HMGB1: variants seen among roughly 807,000 people sequenced by gnomAD.
HMGB1 encodes the protein high mobility group box 1.
For synonymous variants in HMGB1, 81 were observed against 84.0 expected (o/e 0.96, Z 0.19); for missense variants, 79 against 253.5 (o/e 0.31, Z 4.67).
At chr13:30,581,932 C>T (rs1031750522) in intron 1 of HMGB1, among the ~76,000 whole-genome samples, 2 of 152,114 alleles carry the variant, frequency 1.3e-5, no homozygotes, top group African/African-American at 4.8e-5. Context: ...GTAAAAGTGT[C>T]CCAGGACTTA....
chr13:30,465,752 C>G (rs905678218), intron 1 of HMGB1, 44 bp downstream of exon 1: 2 of 975,734 alleles, frequency 2.0e-6, no homozygotes, highest in African/African-American at 1.8e-5. Context: ...GGCTGGGGAG[C>G]TGCCGGAGGC....
chr13:30,611,336 GT>G lies in HMGB1; in HGVS notation c.-15+5334del, dbSNP rs542298252. On this transcript the variant is annotated intron_variant, in intron 1 of 4. Coordinates refer to the HMGB1 transcript ENST00000405805. ...CGCCAACGTGCCCAGCTAATTTTTT[GT>G]TTTTTTAGTAGAGATGGGGTTTCAC... Among the ~76,000 whole-genome samples the G allele has an allele frequency of 2.6e-5, 4 of 152,054 alleles. No homozygotes were observed. In the East Asian group the frequency reaches 7.7e-4, roughly 29 times the overall value.
chr13:30,601,096 TAAG>T (rs1359372041), intron 1 of HMGB1, among the ~76,000 whole-genome samples: 1 of 152,214 alleles, frequency 6.6e-6, no homozygotes, highest in Non-Finnish European at 1.5e-5. Flanking sequence ...CCGCCACCCT[TAAG>T]AAGGTTCTTT....
intron 1 of HMGB1, among the ~76,000 whole-genome samples, chr13:30,538,450 A>AATTC (rs1268133394): frequency 1.3e-4 from 16 of 121,268 alleles, no homozygotes; most frequent in Admixed American, 1.2e-3. Flanking sequence ...TAGTACTAGC[A>AATTC]ATTCTTTCTT....
chr13:30,498,523 C>T (rs1438520264), intron 1 of HMGB1, among the ~76,000 whole-genome samples: 5 of 152,036 alleles, frequency 3.3e-5, no homozygotes, highest in Non-Finnish European at 7.4e-5. Flanking sequence ...ATCACTCACT[C>T]TATCCCTTTA....
chr13:30,551,225 C>A (rs763423576), intron 1 of HMGB1, among the ~76,000 whole-genome samples: 1 of 152,184 alleles, frequency 6.6e-6, no homozygotes, highest in Non-Finnish European at 1.5e-5. Flanking sequence ...AAACTAAGCA[C>A]CTTAATTCAT....
At position 30,459,715 on chromosome 13, in the gene HMGB1, A is replaced by G. The variant is rs1436858568; in HGVS notation, c.*1642T>C. ...TTAACCTATTTATAAGCATAAAGTG[A>G]GTATTTTTAAAGGGAAAAACTTTGC... On this transcript the variant is annotated 3_prime_UTR_variant, in exon 5 of 5. Transcript: ENST00000341423. 6.6e-6 allele frequency: 1 copy of G among 152,190 alleles called. No individual in the cohort carries two copies. Among genetic ancestry groups the G allele is most frequent in the Non-Finnish European group, 1.5e-5 (1 of 67,990 alleles). The allele number at this position is 152,190 out of a possible 1,614,324, so 9.4% of individuals were successfully genotyped here.
intron 1 of HMGB1, among the ~76,000 whole-genome samples, 198 bp downstream of exon 1, chr13:30,465,598 C>A (rs1311483373): frequency 6.6e-6 from 1 of 151,204 alleles, no homozygotes; most frequent in African/African-American, 2.4e-5. Flanking sequence ...TGCCTGAGGG[C>A]CGGGGCACCG....
At chr13:30,524,796 T>TGTAA (rs1555237315) in intron 1 of HMGB1, among the ~76,000 whole-genome samples, 1 of 9,220 alleles carries the variant, frequency 1.1e-4, no homozygotes, top group Non-Finnish European at 5.6e-4. Context: ...TTTATGTCTG[T>TGTAA]AACCATCTGC....
chr13:30,574,159 C>T (rs978893643), intron 1 of HMGB1, among the ~76,000 whole-genome samples: 1 of 152,166 alleles, frequency 6.6e-6, no homozygotes, highest in Non-Finnish European at 1.5e-5. Context: ...AAGCCACTTC[C>T]CATATGAAAT....
chr13:30,529,717 T>C (rs537932860), intron 1 of HMGB1, among the ~76,000 whole-genome samples: 37 of 152,322 alleles, frequency 2.4e-4, no homozygotes, highest in African/African-American at 8.4e-4. Context: ...GGTGAATAGA[T>C]AGATGGCCCA....
chr13:30,556,131 G>A (rs1449149089), intron 1 of HMGB1, among the ~76,000 whole-genome samples: 4 of 152,204 alleles, frequency 2.6e-5, no homozygotes, highest in African/African-American at 4.8e-5. Flanking sequence ...GAGGCTGGGC[G>A]TGGTGGCTCA....
intron 1 of HMGB1, among the ~76,000 whole-genome samples, chr13:30,538,482 CTTTCTTTCTTTCTTT>C (rs1262587965): frequency 2.4e-3 from 82 of 33,544 alleles, no homozygotes; most frequent in South Asian, 0.013. Flanking sequence ...TTCTTTCTTT[CTTTCTTTCTTTCTTT>C]CTTTCTTTCT....
chr13:30,587,641 T>A (rs1324514837), intron 1 of HMGB1, among the ~76,000 whole-genome samples: 1 of 152,212 alleles, frequency 6.6e-6, no homozygotes, highest in Non-Finnish European at 1.5e-5. Flanking sequence ...CTTTTATATC[T>A]CCTAATATAG....
intron 1 of HMGB1, among the ~76,000 whole-genome samples, chr13:30,497,397 C>CT (rs1887633012): frequency 6.7e-6 from 1 of 149,228 alleles, no homozygotes; most frequent in South Asian, 2.1e-4. Flanking sequence ...CAGCTAATTT[C>CT]TTTTTGTATT....
At chr13:30,486,643 T>C (rs138118839) in intron 1 of HMGB1, among the ~76,000 whole-genome samples, 2,024 of 152,306 alleles carry the variant, frequency 0.013, 44 homozygotes, top group African/African-American at 0.046. Flanking sequence ...CCACTCTTGC[T>C]GGAGGCTGCC....
chr13:30,512,149 TAAAA>T (rs111463825), intron 1 of HMGB1, among the ~76,000 whole-genome samples: 2 of 144,620 alleles, frequency 1.4e-5, no homozygotes, highest in African/African-American at 5.0e-5. Flanking sequence ...GCTTGTCTCT[TAAAA>T]AAAAAAAAGA....
chr13:30,467,506 C>T (rs1401550092), upstream of HMGB1, among the ~76,000 whole-genome samples: 1 of 152,028 alleles, frequency 6.6e-6, no homozygotes, highest in Non-Finnish European at 1.5e-5. Context: ...ATCACACATG[C>T]ACATGAAAAA....
intron 1 of HMGB1, among the ~76,000 whole-genome samples, chr13:30,578,368 CTTTTTTT>C (rs60947686): frequency 1.2e-4 from 7 of 59,320 alleles, no homozygotes; most frequent in East Asian, 6.3e-4. Flanking sequence ...AGTTCTTGTT[CTTTTTTT>C]TTTTTTTTTT....
Sources: allele counts gnomAD v4.1 joint callset (sites outside exome capture counted in the v4.1 genomes callset), GRCh38; gene constraint gnomAD v4.1.1; transcripts MANE v1.5; gene names NCBI Gene and HGNC (gene_info 2026-07-23, HGNC 2026-07-21).